The following CSNK1G1 variants were observed in gnomAD, a reference collection of about 807,000 sequenced individuals.
The protein encoded by CSNK1G1 is casein kinase 1 gamma 1.
CSNK1G1 carries 22 observed loss-of-function variants against 59.6 expected under a neutral mutation model. The ratio of observed to expected loss-of-function variants is 0.37; its 90% confidence interval spans 0.26 to 0.53. The LOEUF (loss-of-function observed/expected upper bound fraction) is 0.53. CSNK1G1 is among the 20% of genes least tolerant of loss of function. The pLI is 0.89. For synonymous variants in CSNK1G1, 179 were observed against 177.1 expected (o/e 1.01, Z -0.08); for missense variants, 384 against 519.5 (o/e 0.74, Z 2.54).
In CSNK1G1 at chr15:64,337,448, A is replaced by G. The variant is rs75706297; in HGVS notation, c.-225+18540T>C. ...ACTGCAGCCTCGAACTCCTGGGTTC[A>G]AGCTATTCTACCACTTCAGCCTCCC... On this transcript the variant is annotated intron_variant, in intron 1 of 11. Transcript: ENST00000303052. Among the ~76,000 whole-genome samples, 1,056 of 152,258 alleles carry G rather than the reference A, an allele frequency of 6.9e-3. 17 individuals carry two copies. Among genetic ancestry groups the G allele is most frequent in the African/African-American group, 0.024 (1,012 of 41,552 alleles).
At chr15:64,255,259 TA>T (rs1166538038) in intron 3 of CSNK1G1, among the ~76,000 whole-genome samples, 1 of 152,084 alleles carries the variant, frequency 6.6e-6, no homozygotes, top group Non-Finnish European at 1.5e-5. Flanking sequence ...GTATTTTTAG[TA>T]GAGACGAGGT....
In CSNK1G1 at chr15:64,210,124, T is replaced by A. The variant is rs1032085265; in HGVS notation, c.680-2530A>T. On this transcript the variant is annotated intron_variant, in intron 6 of 11. Transcript: ENST00000303052. The surrounding 1 kb of genome is among the most constrained non-coding windows in gnomAD (Gnocchi z 4.2). ...TCCTAAATCAGGAAGGGTACCTAAA[T>A]AAGGTACCCAAAATAAGGGTACCTA... 1.3e-5 allele frequency among the ~76,000 whole-genome samples: 2 copies of A among 152,074 alleles called. No individual in the cohort carries two copies. The highest frequency in any genetic ancestry group is 2.9e-5 in the Non-Finnish European group (2 of 67,994).
intron 7 of CSNK1G1, among the ~76,000 whole-genome samples, chr15:64,206,586 CAAAAAAAAAAAAAAAAAA>C (rs36192246): frequency 1.8e-4 from 9 of 49,674 alleles, no homozygotes; most frequent in East Asian, 7.7e-4. Flanking sequence ...AACTCTGTCT[CAAAAAAAAAAAAAAAAAA>C]AAAAAAAAAA....
intron 1 of CSNK1G1, among the ~76,000 whole-genome samples, chr15:64,349,315 A>G (rs1159689525): frequency 6.6e-6 from 1 of 151,806 alleles, no homozygotes; most frequent in African/African-American, 2.4e-5. Flanking sequence ...GAGACATCAA[A>G]CTCGGCACCC....
chr15:64,249,350 C>G (rs1304454858), intron 4 of CSNK1G1, among the ~76,000 whole-genome samples: 2 of 152,124 alleles, frequency 1.3e-5, no homozygotes, highest in Non-Finnish European at 2.9e-5. Context: ...TAAAGCACTT[C>G]CTATCTTGGA....
intron 2 of CSNK1G1, among the ~76,000 whole-genome samples, chr15:64,274,379 C>T (rs747458079): frequency 1.3e-5 from 2 of 151,932 alleles, no homozygotes; most frequent in Non-Finnish European, 2.9e-5. Flanking sequence ...ATGTTAAAAC[C>T]CTGCCCATTT....
At chr15:64,309,877 A>G (rs574684934) in intron 1 of CSNK1G1, among the ~76,000 whole-genome samples, 1 of 152,330 alleles carries the variant, frequency 6.6e-6, no homozygotes, top group East Asian at 1.9e-4. Flanking sequence ...TGGGAGGTCA[A>G]GACAAGATGA....
chr15:64,277,387 T>C (rs1893692148), intron 2 of CSNK1G1, among the ~76,000 whole-genome samples: 1 of 151,440 alleles, frequency 6.6e-6, no homozygotes, highest in African/African-American at 2.4e-5. Context: ...ATCCTTTGAG[T>C]CCAGGAGTTC....
rs61143016 is a variant in CSNK1G1, at chr15:64,179,382, A to C, written c.1214+966T>G. Among the ~76,000 whole-genome samples, 1,052 of 152,278 alleles carry C rather than the reference A, an allele frequency of 6.9e-3. 12 individuals carry two copies. Among genetic ancestry groups the C allele is most frequent in the African/African-American group, 0.017 (708 of 41,538 alleles). On this transcript the variant is annotated intron_variant, in intron 11 of 11. Coordinates refer to ENST00000303052, the MANE Select transcript of CSNK1G1 (RefSeq NM_022048.5). ...ACTAACTTACATTTAGAGGTATAAG[A>C]GTGTTCTGGCTTGTATTAAGCTACC...
At chr15:64,294,326 G>A (rs951825918) in intron 2 of CSNK1G1, among the ~76,000 whole-genome samples, 7 of 151,896 alleles carry the variant, frequency 4.6e-5, no homozygotes, top group Admixed American at 2.6e-4. Flanking sequence ...CGCCCACCTC[G>A]GCCTCTCAAA....
chr15:64,351,025 C>A (rs779258234), intron 1 of CSNK1G1, among the ~76,000 whole-genome samples: 2 of 151,812 alleles, frequency 1.3e-5, no homozygotes, highest in Non-Finnish European at 2.9e-5. Flanking sequence ...AAGTTATTTC[C>A]GGAAAATACA....
At chr15:64,189,736 G>A (rs2081944783) in intron 10 of CSNK1G1, among the ~76,000 whole-genome samples, 1 of 151,528 alleles carries the variant, frequency 6.6e-6, no homozygotes, top group East Asian at 1.9e-4. Context: ...ATTGACAAGA[G>A]TTGCTTAAAG....
intron 4 of CSNK1G1, among the ~76,000 whole-genome samples, chr15:64,248,048 C>T (rs1353049830): frequency 1.3e-5 from 2 of 152,124 alleles, no homozygotes; most frequent in East Asian, 3.9e-4. Context: ...AGTAAAAACA[C>T]TAATTATGTT....
At chr15:64,299,518 G>A (rs1895209214) in intron 2 of CSNK1G1, among the ~76,000 whole-genome samples, 1 of 151,708 alleles carries the variant, frequency 6.6e-6, no homozygotes, top group Non-Finnish European at 1.5e-5. Context: ...CATGAACCCG[G>A]GAGGCAGAGC....
At chr15:64,305,701 A>T (rs574071011) in intron 1 of CSNK1G1, among the ~76,000 whole-genome samples, 1 of 151,064 alleles carries the variant, frequency 6.6e-6, no homozygotes, top group South Asian at 2.1e-4. Flanking sequence ...TCTCCAAAAA[A>T]AAAAAAACAA....
chr15:64,305,891 G>A (rs981339049), intron 1 of CSNK1G1, among the ~76,000 whole-genome samples: 8 of 151,906 alleles, frequency 5.3e-5, no homozygotes, highest in African/African-American at 1.9e-4. Context: ...ATGGAGAAAG[G>A]ATAGTCTTTT....
chr15:64,315,126 T>C (rs1486628619), intron 1 of CSNK1G1, among the ~76,000 whole-genome samples: 2 of 152,078 alleles, frequency 1.3e-5, no homozygotes, highest in Non-Finnish European at 2.9e-5. Context: ...AGACCAAAGA[T>C]AACAAGTATT....
chr15:64,279,191 T>C (rs1384564536), intron 2 of CSNK1G1, among the ~76,000 whole-genome samples: 1 of 152,092 alleles, frequency 6.6e-6, no homozygotes. Flanking sequence ...GGTGAATTTT[T>C]ATATATCCAT....
At chr15:64,349,326 A>C (rs1421030769) in intron 1 of CSNK1G1, among the ~76,000 whole-genome samples, 4 of 152,132 alleles carry the variant, frequency 2.6e-5, no homozygotes, top group African/African-American at 9.7e-5. Flanking sequence ...CTCGGCACCC[A>C]GGCTTCTCCC....
Sources: allele counts gnomAD v4.1 joint callset (sites outside exome capture counted in the v4.1 genomes callset), GRCh38; gene constraint gnomAD v4.1.1; non-coding constraint Gnocchi (gnomAD v3.1); transcripts MANE v1.5; gene names NCBI Gene and HGNC (gene_info 2026-07-23, HGNC 2026-07-21).